The following ILF2 variants were observed in gnomAD, a reference collection of about 807,000 sequenced individuals.
ILF2 encodes interleukin enhancer binding factor 2, also known as interleukin enhancer-binding factor 2.
In ILF2, 9 loss-of-function variants were observed where a neutral mutation model predicts 55.3. That is an observed-to-expected ratio of 0.16 (90% confidence interval 0.10 to 0.28). ILF2 has a LOEUF of 0.28. Ranked by LOEUF, ILF2 falls within the 10% of genes least tolerant of loss-of-function variation. The pLI is 1.00. For synonymous variants in ILF2, 151 were observed against 161.8 expected (o/e 0.93, Z 0.50); for missense variants, 266 against 474.9 (o/e 0.56, Z 4.09).
At chr1:153,662,847 G>T in intron 12 of ILF2, 52 bp from the exon 13 acceptor site, 1 of 1,462,138 alleles carries the variant, frequency 6.8e-7, no homozygotes, top group Non-Finnish European at 9.6e-7. Flanking sequence ...GACCTTATTT[G>T]AGTAATACCC....
At position 153,662,259 on chromosome 1, in the gene ILF2, G is replaced by A. The variant is rs958490174; in HGVS notation, c.*137C>T. ...AGCCAATATCAAAACCCAGTGGAAT[G>A]ACACTTCTATGGAGTTTACTTTTCT... On this transcript the variant is annotated 3_prime_UTR_variant, in exon 14 of 14. Coordinates refer to ENST00000361891, the MANE Select transcript of ILF2 (RefSeq NM_004515.4). The A allele has an allele frequency of 3.7e-6, 4 of 1,081,682 alleles. No homozygotes were observed. In the African/African-American group the frequency reaches 6.3e-5, roughly 17 times the overall value. The allele number at this position is 1,081,682 out of a possible 1,614,324, so 67.0% of individuals were successfully genotyped here.
chr1:153,662,157 T>C lies in ILF2; in HGVS notation c.*239A>G, dbSNP rs1669185243. ...AGGGGTTTTCAGGAGTTGGAGATTA[T>C]AGAATATTAGGAAGAAATGTTGGTA... On this transcript the variant is annotated 3_prime_UTR_variant, in exon 14 of 14. Transcript: ENST00000361891. 2 of 450,752 alleles carry C rather than the reference T, an allele frequency of 4.4e-6. No individual in the cohort carries two copies. Among genetic ancestry groups the C allele is most frequent in the Non-Finnish European group, 7.9e-6 (2 of 252,802 alleles). 27.9% of individuals were successfully genotyped at this position (450,752 alleles called of 1,614,324 possible).
rs1171057770 is a variant in ILF2, at chr1:153,667,665, A to G, written c.292-8T>C. ...TCGAACTTCTTCAATTTGCTGTTGG[A>G]AAAAGGATTTCGGGGAAAAACAATT... On this transcript the variant is annotated splice_region_variant and splice_polypyrimidine_tract_variant and intron_variant, in intron 5 of 13. Transcript: ENST00000361891. 5.7e-6 allele frequency: 9 copies of G among 1,576,004 alleles called. No individual in the cohort carries two copies. The highest frequency in any genetic ancestry group is 6.9e-6 in the Non-Finnish European group (8 of 1,153,522).
rs766492890 is a variant in ILF2 at position 153,663,112 on chromosome 1, A to C, written c.828T>G (p.Ala276=). Residue 276 remains alanine, a synonymous_variant, in exon 12 of 14, where the codon GCT becomes GCG. Coordinates refer to ENST00000361891, the MANE Select transcript of ILF2 (RefSeq NM_004515.4). The stretch of plus-strand genomic sequence containing the variant: ...CTGAACCTGGCAGGAACAGTCCTGC[A>C]GCCAGAATCTGCAAGCAGCGCCTAG... ...VAYRRCLQIL[A]AGLFLPGSVG... is the part of the protein sequence containing the mutation. The C allele has an allele frequency of 1.2e-6, 2 of 1,614,188 alleles. No homozygotes were observed. Among genetic ancestry groups the C allele is most frequent in the Non-Finnish European group, 8.5e-7 (1 of 1,180,024 alleles).
rs1478042060 is a variant in ILF2 at position 153,662,415 on chromosome 1, C to G, written c.1154G>C (p.Ser385Thr). The change falls in exon 14 of 14, where the codon AGC becomes ACC. Residue 385 changes from serine (S) to threonine (T), a missense_variant. Physicochemically the swap from Ser to Thr is moderately conservative, Grantham distance 58. Transcript: ENST00000361891. Reference sequence around the variant, plus strand: ...GGAATGTCACTCCTGAGTTTCCATGCTTTCTTCTTCCTCTCCTTGAGGTGG... The same window carrying G: ...GGAATGTCACTCCTGAGTTTCCATGGTTTCTTCTTCCTCTCCTTGAGGTGG... Reference protein sequence around the residue: ...EEPPQGEEEESMETQE With the variant: ...EEPPQGEEEETMETQE 1 of 1,614,084 alleles carries G rather than the reference C, an allele frequency of 6.2e-7. No individual in the cohort carries two copies. Among genetic ancestry groups the G allele is most frequent in the Non-Finnish European group, 8.5e-7 (1 of 1,179,966 alleles).
Position 153,662,204 on chromosome 1 carries a change from C to T in ILF2, c.*192G>A. ...GGTATCCTCCATTATAGATGGATGG[C>T]ATAGGTCACAAATGGGAGACTGGCA... On this transcript the variant is annotated 3_prime_UTR_variant, in exon 14 of 14. Coordinates refer to ENST00000361891, the MANE Select transcript of ILF2 (RefSeq NM_004515.4). 1 of 626,068 alleles carries T rather than the reference C, an allele frequency of 1.6e-6. No individual in the cohort carries two copies. The highest frequency in any genetic ancestry group is 2.8e-6 in the Non-Finnish European group (1 of 359,856). 38.8% of individuals were successfully genotyped at this position (626,068 alleles called of 1,614,324 possible).
Position 153,667,384 on chromosome 1 carries a change from G to A in ILF2, c.394+171C>T, listed in dbSNP as rs12096647. ...TCCCAGCTACTCGGGAGGCTAAGGCGGGAAGATCACTTGCTGTAGTGGAGG... is the reference window on the plus strand; with the variant it reads ...TCCCAGCTACTCGGGAGGCTAAGGCAGGAAGATCACTTGCTGTAGTGGAGG... On this transcript the variant is annotated intron_variant, in intron 6 of 13. Coordinates refer to ENST00000361891, the MANE Select transcript of ILF2 (RefSeq NM_004515.4). 3.5e-3 allele frequency: 2,268 copies of A among 646,104 alleles called. 30 individuals are homozygous for A. Among genetic ancestry groups the A allele is most frequent in the African/African-American group, 0.03 (1,649 of 55,700 alleles). 40.0% of individuals were successfully genotyped at this position (646,104 alleles called of 1,614,324 possible).
chr1:153,663,581 C>A (rs973525037), intron 10 of ILF2, among the ~76,000 whole-genome samples: 1 of 151,986 alleles, frequency 6.6e-6, no homozygotes, highest in African/African-American at 2.4e-5. Context: ...GATCCTCTGG[C>A]CTCAGCCTCC....
Position 153,667,671 on chromosome 1 carries a change from G to T in ILF2, c.292-14C>A. ...TTCTTCAATTTGCTGTTGGAAAAAG[G>T]ATTTCGGGGAAAAACAATTTAGAAG... On this transcript the variant is annotated splice_polypyrimidine_tract_variant and intron_variant, in intron 5 of 13. Coordinates refer to ENST00000361891, the MANE Select transcript of ILF2 (RefSeq NM_004515.4). 6.4e-7 allele frequency: 1 copy of T among 1,561,974 alleles called. No homozygotes were observed. Among genetic ancestry groups the T allele is most frequent in the Non-Finnish European group, 8.8e-7 (1 of 1,141,184 alleles).
At chr1:153,665,147 T>A in intron 8 of ILF2, 73 bp downstream of exon 8, 1 of 898,996 alleles carries the variant, frequency 1.1e-6, no homozygotes, top group Non-Finnish European at 1.9e-6. Context: ...ACAAGCTAAG[T>A]AAACTAAACA....
intron 6 of ILF2, among the ~76,000 whole-genome samples, chr1:153,666,141 C>T (rs908881879): frequency 4.6e-5 from 7 of 152,202 alleles, no homozygotes; most frequent in Admixed American, 3.9e-4. Context: ...CTCAGCCTCC[C>T]GGGCTCAAGC....
rs1474961934 is a variant in ILF2 at position 153,669,694 on chromosome 1, G to A, written c.108+142C>T. 29 of 719,538 alleles carry A rather than the reference G, an allele frequency of 4.0e-5. No homozygotes were observed. The Middle Eastern group carries it at 7.4e-4, about 18-fold the overall frequency. The allele number at this position is 719,538 out of a possible 1,614,324, so 44.6% of individuals were successfully genotyped here. On this transcript the variant is annotated intron_variant, in intron 3 of 13. Transcript: ENST00000361891. Reference sequence around the variant, plus strand: ...GACCTTCAGGTAATCCATCTGCCTCGGCCTCCCAAAGTGCTGAGATTACAG... The same window carrying A: ...GACCTTCAGGTAATCCATCTGCCTCAGCCTCCCAAAGTGCTGAGATTACAG...
At position 153,667,930 on chromosome 1, in the gene ILF2, G is replaced by C. The variant is rs761275536; in HGVS notation, c.291+70C>G. 67 of 1,120,198 alleles carry C rather than the reference G, an allele frequency of 6.0e-5. 1 individual carries two copies. The highest frequency in any genetic ancestry group is 8.7e-5 in the Non-Finnish European group (66 of 756,042). The allele number at this position is 1,120,198 out of a possible 1,614,324, so 69.4% of individuals were successfully genotyped here. A position where few individuals can be genotyped will look rare whatever the true frequency, so the allele number is the denominator to read the frequency against. ...GATAATAGACAACTGAAAATTAAAA[G>C]TCAAGAGCCAAGGCAATTTCCACAC... On this transcript the variant is annotated intron_variant, in intron 5 of 13. Transcript: ENST00000361891.
In ILF2 at chr1:153,669,124, G is replaced by A. The variant is rs761536182; in HGVS notation, c.109-567C>T. Among the ~76,000 whole-genome samples the A allele has an allele frequency of 7.9e-5, 12 of 152,048 alleles. No homozygotes were observed. In the East Asian group the frequency reaches 9.7e-4, roughly 12 times the overall value. ...CTCAGGAGGCTGAGGCAGGAGAATC[G>A]TTTGAACCCTGGAGGCAGAGGTCCT... On this transcript the variant is annotated intron_variant, in intron 3 of 13. Transcript: ENST00000361891.
At chr1:153,670,860 C>T in intron 1 of ILF2, 58 bp downstream of exon 1, 2 of 1,608,978 alleles carry the variant, frequency 1.2e-6, no homozygotes, top group Non-Finnish European at 1.7e-6. Context: ...TTTCGGCCCA[C>T]GTTCACAAAG....
At position 153,664,600 on chromosome 1, in the gene ILF2, G is replaced by C. The variant is rs1175777525; in HGVS notation, c.578-126C>G. 5 of 766,266 alleles carry C rather than the reference G, an allele frequency of 6.5e-6. No individual in the cohort carries two copies. In the African/African-American group the frequency reaches 8.5e-5, roughly 13 times the overall value. 47.5% of individuals were successfully genotyped at this position (766,266 alleles called of 1,614,324 possible). A position where few individuals can be genotyped will look rare whatever the true frequency, so the allele number is the denominator to read the frequency against. Reference sequence around the variant, plus strand: ...AGACGGAGTCTCGCTCTGTTGTCCAGGCTGGATTGCGTACAGTGGCGTGAT... The same window carrying C: ...AGACGGAGTCTCGCTCTGTTGTCCACGCTGGATTGCGTACAGTGGCGTGAT... On this transcript the variant is annotated intron_variant, in intron 8 of 13. Transcript: ENST00000361891.
intron 13 of ILF2, 24 bp downstream of exon 13, chr1:153,662,681 C>T (rs1669201294): frequency 6.2e-7 from 1 of 1,606,942 alleles, no homozygotes; most frequent in South Asian, 1.1e-5. Flanking sequence ...AATACAAAAC[C>T]CCTGACCCAC....
chr1:153,665,786 T>C, intron 6 of ILF2, 58 bp from the exon 7 acceptor site: 1 of 1,317,798 alleles, frequency 7.6e-7, no homozygotes, highest in South Asian at 1.3e-5. Context: ...ACTTTCTATG[T>C]ATCTCTAAGC....
At chr1:153,663,977 CTACTACTACTACTACTACTAG>C in intron 10 of ILF2, 45 bp downstream of exon 10, 1 of 796,536 alleles carries the variant, frequency 1.3e-6, no homozygotes, top group Non-Finnish European at 2.1e-6. Flanking sequence ...ACTACTACTA[CTACTACTACTACTACTACTAG>C]TAAATAAGGA....
Sources: allele counts gnomAD v4.1 joint callset (sites outside exome capture counted in the v4.1 genomes callset), GRCh38; gene constraint gnomAD v4.1.1; transcripts MANE v1.5; gene names NCBI Gene and HGNC (gene_info 2026-07-23, HGNC 2026-07-21).